The following CUBN variants were observed in gnomAD, a reference collection of about 807,000 sequenced individuals.
CUBN encodes the protein 460 kDa receptor.
In CUBN, 282 loss-of-function variants were observed where a neutral mutation model predicts 405.3. The observed-to-expected ratio is 0.70, with a 90% confidence interval of 0.63 to 0.77. CUBN has a LOEUF of 0.77. Ranked by LOEUF, CUBN falls within the 30% of genes least tolerant of loss-of-function variation. CUBN has a pLI of 0.00. For missense variants in CUBN, 4,514 were observed against 4,475.2 expected, an observed-to-expected ratio of 1.01 and a Z score of -0.25; for synonymous variants, 1,684 against 1,617.0, an observed-to-expected ratio of 1.04 and a Z score of -0.99.
intron 31 of CUBN, among the ~76,000 whole-genome samples, chr10:16,968,320 G>A (rs1241721454): frequency 6.6e-6 from 1 of 151,212 alleles, no homozygotes; most frequent in Non-Finnish European, 1.5e-5. Flanking sequence ...GGGAGCACAG[G>A]GAATTTTTTT....
chr10:16,950,254 G>T (rs1842893502), intron 33 of CUBN, 143 bp from the exon 34 acceptor site: 1 of 659,112 alleles, frequency 1.5e-6, no homozygotes, highest in Non-Finnish European at 2.8e-6. Flanking sequence ...AGCACAACAG[G>T]GTAATTGTAG....
Position 16,938,456 on chromosome 10 carries a change from T to C in CUBN, c.5733+507A>G, listed in dbSNP as rs562161487. Among the ~76,000 whole-genome samples the C allele has an allele frequency of 2.0e-5, 3 of 152,270 alleles. No individual in the cohort carries two copies. In the East Asian group the frequency reaches 5.8e-4, roughly 29 times the overall value. The stretch of plus-strand genomic sequence containing the variant: ...ATGTAATAGTCATTCCCATACATAT[T>C]GGGCACCCATCAGGCACTGGGATCT... On this transcript the variant is annotated intron_variant, in intron 38 of 66. Coordinates refer to ENST00000377833, the MANE Select transcript of CUBN (RefSeq NM_001081.4).
chr10:17,043,581 T>A (rs1835058998), intron 26 of CUBN, among the ~76,000 whole-genome samples: 1 of 152,210 alleles, frequency 6.6e-6, no homozygotes, highest in Non-Finnish European at 1.5e-5. Context: ...TTATATGAGA[T>A]TAAATTTAAT....
intron 8 of CUBN, among the ~76,000 whole-genome samples, chr10:17,111,941 C>A: frequency 6.6e-6 from 1 of 152,160 alleles, no homozygotes; most frequent in East Asian, 1.9e-4. Flanking sequence ...CTGTTAAAAT[C>A]ATATGGAGGA....
chr10:17,079,566 C>G (rs548654634), intron 17 of CUBN, among the ~76,000 whole-genome samples: 5 of 152,170 alleles, frequency 3.3e-5, no homozygotes, highest in African/African-American at 1.2e-4. Flanking sequence ...AGGATCTCCC[C>G]CTTTTCCCTT....
intron 6 of CUBN, chr10:17,122,119 T>C (rs1467371995): frequency 1.3e-5 from 2 of 154,070 alleles, no homozygotes; most frequent in African/African-American, 2.4e-5. Flanking sequence ...GATGGGAACA[T>C]AGAGGCCCTG....
At chr10:16,888,597 C>A (rs774819380) in intron 55 of CUBN, 31 bp from the exon 56 acceptor site, 11 of 1,601,494 alleles carry the variant, frequency 6.9e-6, no homozygotes, top group Middle Eastern at 3.3e-4. Context: ...ATCATCAGAT[C>A]ATTTATTTCT....
Position 16,928,293 on chromosome 10 carries a change from G to C in CUBN, c.6135C>G (p.Asn2045Lys). Residue 2045 changes from asparagine to lysine, a missense_variant, in exon 41 of 67, where the codon AAC (asparagine) becomes AAG (lysine). Asn to Lys is a moderately conservative substitution (Grantham distance 94, BLOSUM62 0). This residue lies in a region of CUBN where 1,613 missense variants were observed against 1,542.8 expected (regional missense o/e 1.05). Coordinates refer to ENST00000377833, the MANE Select transcript of CUBN (RefSeq NM_001081.4). Reference protein sequence around the residue: ...DSLVIRDGDNNLAQQLAVLCG... With the variant: ...DSLVIRDGDNKLAQQLAVLCG... ...AGAGAACTGCTAGCTGCTGGGCCAAGTTATTATCTCCTACGTTGAAAGAAA... is the reference window on the plus strand; with the variant it reads ...AGAGAACTGCTAGCTGCTGGGCCAACTTATTATCTCCTACGTTGAAAGAAA... 2 of 1,613,854 alleles carry C rather than the reference G, an allele frequency of 1.2e-6. No individual in the cohort carries two copies. The highest frequency in any genetic ancestry group is 1.7e-6 in the Non-Finnish European group (2 of 1,179,876).
intron 36 of CUBN, among the ~76,000 whole-genome samples, chr10:16,941,795 T>G (rs552273407): frequency 6.6e-6 from 1 of 152,170 alleles, no homozygotes; most frequent in Non-Finnish European, 1.5e-5. Flanking sequence ...TGAGGGGTGA[T>G]CGTGCCACTC....
At chr10:17,026,009 T>A (rs1261046908) in intron 27 of CUBN, among the ~76,000 whole-genome samples, 1 of 152,146 alleles carries the variant, frequency 6.6e-6, no homozygotes, top group Non-Finnish European at 1.5e-5. Flanking sequence ...GTGGCTCTCA[T>A]GCTAAAAGTG....
chr10:17,102,369 C>T (rs774660664), intron 13 of CUBN, among the ~76,000 whole-genome samples: 3 of 151,638 alleles, frequency 2.0e-5, no homozygotes, highest in African/African-American at 4.8e-5. Flanking sequence ...TCACTGGAAC[C>T]TCTGCCTCCT....
intron 25 of CUBN, 103 bp downstream of exon 25, chr10:17,044,904 G>A: frequency 8.4e-7 from 1 of 1,190,046 alleles, no homozygotes; most frequent in South Asian, 1.2e-5. Flanking sequence ...TGGATGTTCG[G>A]TTTAGATGCT....
chr10:16,995,450 G>A (rs574014705), intron 28 of CUBN, among the ~76,000 whole-genome samples: 6 of 152,250 alleles, frequency 3.9e-5, no homozygotes, highest in African/African-American at 1.2e-4. Context: ...TAAATGTTGT[G>A]CATATCATAA....
intron 40 of CUBN, among the ~76,000 whole-genome samples, chr10:16,930,825 A>C (rs1053644854): frequency 6.6e-6 from 1 of 152,248 alleles, no homozygotes; most frequent in East Asian, 1.9e-4. Context: ...GGCCAATTGC[A>C]TGAGCAGGAA....
At chr10:16,909,121 A>G (rs1841648655) in intron 48 of CUBN, among the ~76,000 whole-genome samples, 1 of 150,742 alleles carries the variant, frequency 6.6e-6, no homozygotes, top group African/African-American at 2.4e-5. Context: ...TCCTGACCTC[A>G]TGATCCACCC....
intron 22 of CUBN, among the ~76,000 whole-genome samples, chr10:17,057,966 C>G (rs535768917): frequency 7.2e-5 from 11 of 151,916 alleles, no homozygotes; most frequent in African/African-American, 2.4e-4. Context: ...ACTAAAAATA[C>G]AAAAAATTAG....
intron 31 of CUBN, among the ~76,000 whole-genome samples, chr10:16,982,147 G>A (rs1488301699): frequency 6.6e-6 from 1 of 152,104 alleles, no homozygotes; most frequent in East Asian, 1.9e-4. Flanking sequence ...TAACACTATT[G>A]CTTCTTCCTT....
chr10:16,978,578 T>A (rs186772181), intron 31 of CUBN, among the ~76,000 whole-genome samples: 1 of 152,318 alleles, frequency 6.6e-6, no homozygotes, highest in African/African-American at 2.4e-5. Context: ...AATGGACTAC[T>A]TGGAAAAATG....
At chr10:16,983,599 T>C (rs558292298) in intron 30 of CUBN, among the ~76,000 whole-genome samples, 13 of 152,360 alleles carry the variant, frequency 8.5e-5, no homozygotes, top group Admixed American at 2.6e-4. Flanking sequence ...TCTCTAGTAG[T>C]TGCATATGCT....
Sources: allele counts gnomAD v4.1 joint callset (sites outside exome capture counted in the v4.1 genomes callset), GRCh38; gene constraint gnomAD v4.1.1; regional missense constraint gnomAD v4.1.1; transcripts MANE v1.5; gene names NCBI Gene and HGNC (gene_info 2026-07-23, HGNC 2026-07-21).